GNA14: variants seen among roughly 807,000 people sequenced by gnomAD.
GNA14 encodes the protein G protein subunit alpha 14.
GNA14 carries 50 observed loss-of-function variants against 42.0 expected under a neutral mutation model. The ratio of observed to expected loss-of-function variants is 1.19; its 90% CI spans 0.95 to 1.51. GNA14 has a LOEUF of 1.51. Ranked by LOEUF, GNA14 falls within the 40% of genes most tolerant of loss-of-function variation. The pLI is 0.00. For synonymous variants in GNA14, 173 were observed against 163.1 expected (o/e 1.06, Z -0.46); for missense variants, 473 against 446.2 (o/e 1.06, Z -0.54).
chr9:77,489,509 G>T (rs139011916), intron 2 of GNA14, among the ~76,000 whole-genome samples: 1 of 152,220 alleles, frequency 6.6e-6, no homozygotes. Flanking sequence ...AAGTGTGTCC[G>T]GAATTGGTGG....
Position 77,644,437 on chromosome 9 carries a change from C to CCAA in GNA14, c.124+3232_124+3233insTTG, listed in dbSNP as rs778013639. On this transcript the variant is annotated intron_variant, in intron 1 of 6. Transcript: ENST00000341700. ...TACTGAACTCCAACCTAAAGAGTGT[C>CCAA]AAAAAAAAAAAAAAAAAAAAAAAAA... 3.1e-3 allele frequency among the ~76,000 whole-genome samples: 105 copies of CCAA among 34,022 alleles called. 3 individuals are homozygous for CCAA. Among genetic ancestry groups the CCAA allele is most frequent in the African/African-American group, 0.012 (99 of 8,580 alleles). The allele number at this position is 34,022 out of a possible 152,430, so 22.3% of individuals were successfully genotyped here.
chr9:77,528,922 T>G lies in GNA14; in HGVS notation c.309+147A>C. On this transcript the variant is annotated intron_variant, in intron 2 of 6. Coordinates refer to ENST00000341700, the MANE Select transcript of GNA14 (RefSeq NM_004297.4). ...AAAGAAGACCGGGGGCTAACTAAAT[T>G]CCTTAAACTCCTCTCAGTGATCCCC... 5 of 666,492 alleles carry G rather than the reference T, an allele frequency of 7.5e-6. No individual in the cohort carries two copies. In the Middle Eastern group the frequency reaches 9.9e-4, roughly 132 times the overall value. 41.3% of individuals were successfully genotyped at this position (666,492 alleles called of 1,614,324 possible).
intron 2 of GNA14, among the ~76,000 whole-genome samples, chr9:77,511,729 C>G (rs1448650873): frequency 6.6e-6 from 1 of 152,170 alleles, no homozygotes. Context: ...ATCCCCACCT[C>G]CATGTCTGCC....
intron 2 of GNA14, among the ~76,000 whole-genome samples, chr9:77,528,218 A>G (rs1477917624): frequency 6.6e-6 from 1 of 152,182 alleles, no homozygotes; most frequent in Middle Eastern, 3.2e-3. Flanking sequence ...AGCCCATGCA[A>G]TTCTGGCATT....
chr9:77,459,070 A>G (rs1213890840), intron 2 of GNA14, among the ~76,000 whole-genome samples: 2 of 152,076 alleles, frequency 1.3e-5, no homozygotes, highest in Admixed American at 1.3e-4. Flanking sequence ...TGAATTGTAC[A>G]CTTAAAAATG....
intron 2 of GNA14, among the ~76,000 whole-genome samples, chr9:77,524,524 T>A (rs760673931): frequency 2.0e-5 from 3 of 152,154 alleles, no homozygotes; most frequent in Non-Finnish European, 2.9e-5. Flanking sequence ...ACTGTGAAAA[T>A]AAAAGCTGAA....
At chr9:77,425,246 G>C (rs1835435703) in intron 6 of GNA14, among the ~76,000 whole-genome samples, 1 of 152,168 alleles carries the variant, frequency 6.6e-6, no homozygotes, top group Admixed American at 6.5e-5. Flanking sequence ...CACCCTTCCT[G>C]CAGACCAGAT....
chr9:77,524,042 C>A (rs1323794994), intron 2 of GNA14, among the ~76,000 whole-genome samples: 1 of 152,220 alleles, frequency 6.6e-6, no homozygotes, highest in Non-Finnish European at 1.5e-5. Context: ...CTTAGGAACC[C>A]TGCCACTGAG....
chr9:77,558,937 A>C (rs1822834933), intron 1 of GNA14, among the ~76,000 whole-genome samples: 1 of 151,852 alleles, frequency 6.6e-6, no homozygotes, highest in South Asian at 2.1e-4. Flanking sequence ...AACAAAAAAA[A>C]AAACAAAAAA....
At chr9:77,460,003 A>G (rs1836076463) in intron 2 of GNA14, among the ~76,000 whole-genome samples, 2 of 151,946 alleles carry the variant, frequency 1.3e-5, no homozygotes, top group African/African-American at 4.8e-5. Context: ...GGACAAGTTC[A>G]TTTCCCTCTC....
chr9:77,568,708 G>T (rs1362907734), intron 1 of GNA14, among the ~76,000 whole-genome samples: 1 of 152,064 alleles, frequency 6.6e-6, no homozygotes, highest in Non-Finnish European at 1.5e-5. Context: ...GGGTGCACAA[G>T]GTGGTACAGG....
chr9:77,633,935 G>A (rs777798568), intron 1 of GNA14, among the ~76,000 whole-genome samples: 1 of 152,044 alleles, frequency 6.6e-6, no homozygotes, highest in South Asian at 2.1e-4. Flanking sequence ...ATGTATAAAC[G>A]TCACTGCTTT....
At chr9:77,459,275 C>T (rs1836064611) in intron 2 of GNA14, among the ~76,000 whole-genome samples, 1 of 151,920 alleles carries the variant, frequency 6.6e-6, no homozygotes, top group African/African-American at 2.4e-5. Flanking sequence ...GCTAAAATAG[C>T]AAATGTTATG....
intron 1 of GNA14, among the ~76,000 whole-genome samples, chr9:77,596,254 A>G (rs1414933923): frequency 6.6e-6 from 1 of 151,226 alleles, no homozygotes; most frequent in African/African-American, 2.4e-5. Flanking sequence ...ACAAAAAGAT[A>G]TAATTTTCTG....
intron 1 of GNA14, among the ~76,000 whole-genome samples, chr9:77,606,865 G>T (rs1290570773): frequency 6.6e-6 from 1 of 152,148 alleles, no homozygotes; most frequent in African/African-American, 2.4e-5. Context: ...TTTAGATGAG[G>T]TCATGAGGAT....
intron 1 of GNA14, among the ~76,000 whole-genome samples, chr9:77,608,730 C>CTGTTT (rs1554703058): frequency 2.4e-4 from 12 of 49,544 alleles, no homozygotes; most frequent in Admixed American, 9.2e-4. Flanking sequence ...GCCCAATATC[C>CTGTTT]TGTTTTTTTT....
At chr9:77,426,646 G>A (rs1835458497) in intron 5 of GNA14, among the ~76,000 whole-genome samples, 1 of 152,214 alleles carries the variant, frequency 6.6e-6, no homozygotes. Flanking sequence ...CCATGTAATA[G>A]TGGGACCTGG....
chr9:77,547,912 G>C, intron 1 of GNA14, among the ~76,000 whole-genome samples: 1 of 152,282 alleles, frequency 6.6e-6, no homozygotes, highest in Middle Eastern at 3.4e-3. Context: ...TATGATAAGT[G>C]ATAAGGGTGA....
chr9:77,498,394 A>AAAAG, intron 2 of GNA14, among the ~76,000 whole-genome samples: 1 of 148,018 alleles, frequency 6.8e-6, no homozygotes, highest in South Asian at 2.1e-4. Context: ...AAAAAGAAAA[A>AAAAG]AAAGAAAAAG....
Sources: gnomAD v4.1 joint callset for allele counts (sites outside exome capture counted in the v4.1 genomes callset) on GRCh38, gnomAD v4.1.1 for gene constraint, MANE v1.5 for transcripts, NCBI Gene and HGNC (gene_info 2026-07-23, HGNC 2026-07-21) for gene names.